The following LRRC4C variants were observed in gnomAD, a reference collection of about 807,000 sequenced individuals.
The protein encoded by LRRC4C is leucine-rich repeat-containing protein 4C.
In LRRC4C, 5 loss-of-function variants were observed where a neutral mutation model predicts 33.6. The ratio of observed to expected loss-of-function variants is 0.15; its 90% confidence interval spans 0.08 to 0.31. The LOEUF (loss-of-function observed/expected upper bound fraction) is 0.31, where lower values mean the gene tolerates loss of function less well. LRRC4C is among the 10% of genes least tolerant of loss of function. LRRC4C has a pLI of 1.00. For missense variants in LRRC4C, 560 were observed against 796.7 expected (o/e 0.70, Z 3.58); for synonymous variants, 329 against 302.0 (o/e 1.09, Z -0.93).
intron 3 of LRRC4C, among the ~76,000 whole-genome samples, chr11:40,640,343 G>A (rs903754318): frequency 7.9e-5 from 12 of 151,748 alleles, no homozygotes; most frequent in African/African-American, 1.7e-4. Context: ...GTCTTACTGC[G>A]CTGACGGAAG....
At chr11:41,016,835 G>A (rs186375550) in intron 1 of LRRC4C, among the ~76,000 whole-genome samples, 1 of 152,176 alleles carries the variant, frequency 6.6e-6, no homozygotes, top group Admixed American at 6.5e-5. Flanking sequence ...TCTTCCAGAG[G>A]AGACACCTGC....
intron 1 of LRRC4C, among the ~76,000 whole-genome samples, chr11:41,303,165 C>T (rs1174449167): frequency 1.4e-5 from 2 of 145,282 alleles, no homozygotes; most frequent in African/African-American, 5.0e-5. Context: ...CTGGACTGTA[C>T]TGCTGCCATC....
At chr11:40,195,370 T>G (rs974302762) in intron 5 of LRRC4C, among the ~76,000 whole-genome samples, 2 of 152,134 alleles carry the variant, frequency 1.3e-5, no homozygotes, top group Admixed American at 1.3e-4. Flanking sequence ...CCCAATTAGA[T>G]TCTTGAAACT....
At chr11:40,464,656 T>C (rs1283236224) in intron 3 of LRRC4C, among the ~76,000 whole-genome samples, 1 of 151,942 alleles carries the variant, frequency 6.6e-6, no homozygotes, top group Non-Finnish European at 1.5e-5. Context: ...ACATACAAAA[T>C]TGAGTAGCAT....
At chr11:41,249,256 G>T (rs532424731) in intron 1 of LRRC4C, among the ~76,000 whole-genome samples, 1 of 151,968 alleles carries the variant, frequency 6.6e-6, no homozygotes, top group African/African-American at 2.4e-5. Context: ...GGATGGTCTC[G>T]ATCTCCTGGC....
chr11:40,300,259 A>G (rs1381374692), intron 4 of LRRC4C, among the ~76,000 whole-genome samples: 1 of 152,186 alleles, frequency 6.6e-6, no homozygotes. Context: ...CACCTCCAAC[A>G]TTAGGGATTA....
chr11:41,207,980 C>A (rs1179031983), intron 1 of LRRC4C, among the ~76,000 whole-genome samples: 1 of 152,060 alleles, frequency 6.6e-6, no homozygotes, highest in Non-Finnish European at 1.5e-5. Flanking sequence ...CTTAAGAGAC[C>A]AGTAGCAGAA....
rs140115144 is a variant in LRRC4C at position 40,263,356 on chromosome 11, G to T, written c.-175-21758C>A. ...CTTTGGCTGTTAAAAAAGTTAATAT[G>T]TCATGAAAAACTATACATTATCTTC... On this transcript the variant is annotated intron_variant, in intron 4 of 6. Transcript: ENST00000528697. 3.9e-5 allele frequency among the ~76,000 whole-genome samples: 6 copies of T among 152,100 alleles called. No individual in the cohort carries two copies. The East Asian group carries it at 1.2e-3, about 29-fold the overall frequency.
intron 1 of LRRC4C, among the ~76,000 whole-genome samples, chr11:41,023,045 G>A (rs1856092699): frequency 6.6e-6 from 1 of 151,770 alleles, no homozygotes; most frequent in Non-Finnish European, 1.5e-5. Flanking sequence ...CTACATTCTA[G>A]CTATGTAAAG....
rs1179844992 is a variant in LRRC4C, at chr11:41,341,166, TGA to T, written c.-496+118263_-496+118264del. ...GGTATGAAAGTAATAGTGTGTTAGG[TGA>T]GGATGTTACTTAAGAAAACAAGTAC... On this transcript the variant is annotated intron_variant, in intron 1 of 6. Transcript: ENST00000528697. 1.4e-3 allele frequency among the ~76,000 whole-genome samples: 215 copies of T among 151,902 alleles called. 5 individuals are homozygous for T. Among genetic ancestry groups the T allele is most frequent in the Non-Finnish European group, 4.4e-4 (30 of 67,966 alleles).
At chr11:40,645,126 A>G (rs982673864) in intron 3 of LRRC4C, among the ~76,000 whole-genome samples, 2 of 152,162 alleles carry the variant, frequency 1.3e-5, no homozygotes, top group Non-Finnish European at 2.9e-5. Flanking sequence ...CTGATACCTA[A>G]GTGGCCATGT....
intron 1 of LRRC4C, among the ~76,000 whole-genome samples, chr11:41,345,163 G>A (rs985058121): frequency 6.6e-6 from 1 of 152,078 alleles, no homozygotes. Context: ...AGTTGTACTT[G>A]GTTTTACCTC....
At chr11:40,377,732 T>C (rs1948715616) in intron 3 of LRRC4C, among the ~76,000 whole-genome samples, 2 of 152,060 alleles carry the variant, frequency 1.3e-5, no homozygotes, top group Admixed American at 1.3e-4. Context: ...CAGAAGTTTT[T>C]TGAGAGGAAA....
At chr11:41,428,145 AGAG>A (rs1432527891) in intron 1 of LRRC4C, among the ~76,000 whole-genome samples, 1 of 152,166 alleles carries the variant, frequency 6.6e-6, no homozygotes, top group Non-Finnish European at 1.5e-5. Context: ...GAAAGAGAGC[AGAG>A]GAGTAGCTGA....
intron 1 of LRRC4C, among the ~76,000 whole-genome samples, chr11:41,252,594 C>G (rs1466668388): frequency 1.3e-5 from 2 of 152,086 alleles, no homozygotes; most frequent in African/African-American, 4.8e-5. Context: ...TTTTGTAATA[C>G]TATTTTGTTC....
At chr11:40,503,811 T>C (rs1435272485) in intron 3 of LRRC4C, among the ~76,000 whole-genome samples, 2 of 152,218 alleles carry the variant, frequency 1.3e-5, no homozygotes, top group African/African-American at 2.4e-5. Flanking sequence ...CTGAAGCTAA[T>C]GCCCTCAAAA....
chr11:41,231,715 G>A (rs1003195496), intron 1 of LRRC4C, among the ~76,000 whole-genome samples: 1 of 151,888 alleles, frequency 6.6e-6, no homozygotes, highest in Non-Finnish European at 1.5e-5. Context: ...GTATACATAT[G>A]TAACAAACCT....
intron 5 of LRRC4C, among the ~76,000 whole-genome samples, chr11:40,218,875 T>C (rs1387245711): frequency 1.3e-5 from 2 of 152,052 alleles, no homozygotes; most frequent in Admixed American, 1.3e-4. Context: ...CTGGCCTCCA[T>C]GACTCTTCCA....
At chr11:41,058,552 G>A (rs188314789) in intron 1 of LRRC4C, among the ~76,000 whole-genome samples, 233 of 152,346 alleles carry the variant, frequency 1.5e-3, no homozygotes, top group African/African-American at 5.3e-3. Context: ...AGGTGCCACT[G>A]GCCACAGAGG....
Sources: gnomAD v4.1 joint callset for allele counts (sites outside exome capture counted in the v4.1 genomes callset) on GRCh38, gnomAD v4.1.1 for gene constraint, MANE v1.5 for transcripts, NCBI Gene and HGNC (gene_info 2026-07-23, HGNC 2026-07-21) for gene names.